Variants in REPS1 observed in about 807,000 individuals in gnomAD.
The protein encoded by REPS1 is RALBP1 associated Eps domain containing 1, also known as ralBP1-associated Eps domain-containing protein 1.
A neutral mutation model predicts 100.9 loss-of-function variants in REPS1; 39 were observed. The ratio of observed to expected loss-of-function variants is 0.39; its 90% CI spans 0.30 to 0.50. The LOEUF (loss-of-function observed/expected upper bound fraction) is 0.50, where lower values mean the gene tolerates loss of function less well. Among genes scored for constraint, REPS1 ranks in the 20% least tolerant of loss-of-function variants. The probability of loss-of-function intolerance (pLI) is 0.86; values close to 1 mark genes in which losing one functional copy is unlikely to be tolerated. For missense variants in REPS1, 821 were observed against 968.5 expected (o/e 0.85, Z 2.02); for synonymous variants, 324 against 340.3 (o/e 0.95, Z 0.53).
In REPS1 at chr6:138,912,941, G is replaced by A; in HGVS notation, c.1795C>T (p.Pro599Ser). ...GCATCCACTGGGCGATGCACAGCAGGACCAGGAGCCTGTGCAATGGTTCAG... is the reference window on the plus strand; with the variant it reads ...GCATCCACTGGGCGATGCACAGCAGAACCAGGAGCCTGTGCAATGGTTCAG... The part of the protein sequence containing the change: ...PRPQPSQAPG[P>S]AVHRPVDADG... The change falls in exon 16 of 20, where the codon CCT becomes TCT. Residue 599 changes from proline (P) to serine (S), a missense_variant. Physicochemically the swap from Pro to Ser is moderately conservative, Grantham distance 74 (BLOSUM62 -1). Coordinates refer to ENST00000450536, the MANE Select transcript of REPS1 (RefSeq NM_001286611.2). 4 of 1,613,062 alleles carry A rather than the reference G, an allele frequency of 2.5e-6. No individual in the cohort carries two copies. The highest frequency in any genetic ancestry group is 3.4e-6 in the Non-Finnish European group (4 of 1,179,334).
At chr6:138,927,312 A>C (rs1781201552) in intron 9 of REPS1, 2 of 152,348 alleles carry the variant, frequency 1.3e-5, no homozygotes, top group Admixed American at 1.3e-4. Context: ...ATACCTCTTA[A>C]AACAGGTGGA....
chr6:138,905,255 C>CA lies in REPS1; in HGVS notation c.2323-124dup, dbSNP rs1471105497. The CA allele has an allele frequency of 4.8e-6, 3 of 624,946 alleles. No homozygotes were observed. The African/African-American group carries it at 5.6e-5, about 12-fold the overall frequency. 38.7% of individuals were successfully genotyped at this position (624,946 alleles called of 1,614,324 possible). ...CAAGACAACTAAGGGAGAGCTTATTCATATTTTAAAAGTATACTTCACTTT... is the reference window on the plus strand; with the variant it reads ...CAAGACAACTAAGGGAGAGCTTATTCAATATTTTAAAAGTATACTTCACTTT... On this transcript the variant is annotated intron_variant, in intron 19 of 19. Transcript: ENST00000450536.
intron 1 of REPS1, among the ~76,000 whole-genome samples, chr6:138,963,682 C>G (rs1045746696): frequency 6.6e-6 from 1 of 152,118 alleles, no homozygotes; most frequent in Non-Finnish European, 1.5e-5. Flanking sequence ...TAGAAAAGTT[C>G]AAGGAAAAAC....
chr6:138,928,119 G>A (rs1481227857), intron 9 of REPS1: 1 of 152,182 alleles, frequency 6.6e-6, no homozygotes, highest in African/African-American at 2.4e-5. Context: ...TCCCAGTTAC[G>A]CTGTGCAAAC....
At chr6:138,982,341 A>T (rs1785000126) in intron 1 of REPS1, among the ~76,000 whole-genome samples, 1 of 152,254 alleles carries the variant, frequency 6.6e-6, no homozygotes, top group Admixed American at 6.5e-5. Context: ...TGCTCTACAC[A>T]AATGATCTAA....
intron 8 of REPS1, among the ~76,000 whole-genome samples, chr6:138,935,869 C>A (rs12199896): frequency 2.3e-4 from 2 of 8,722 alleles, no homozygotes; most frequent in Non-Finnish European, 2.4e-4. Flanking sequence ...GGGGGGGGGG[C>A]GCGGGGGAGT....
intron 12 of REPS1, among the ~76,000 whole-genome samples, chr6:138,919,420 C>T (rs1780609819): frequency 6.6e-6 from 1 of 152,224 alleles, no homozygotes; most frequent in South Asian, 2.1e-4. Flanking sequence ...AGTTAAAAAG[C>T]AGGCTCAAAT....
intron 1 of REPS1, among the ~76,000 whole-genome samples, chr6:138,987,146 C>T (rs552688561): frequency 1.2e-4 from 18 of 152,144 alleles, no homozygotes; most frequent in Non-Finnish European, 2.4e-4. Flanking sequence ...ACCATTTTGC[C>T]CATACTGATA....
intron 12 of REPS1, among the ~76,000 whole-genome samples, chr6:138,919,603 G>A (rs1035365233): frequency 6.6e-6 from 1 of 152,150 alleles, no homozygotes; most frequent in Non-Finnish European, 1.5e-5. Context: ...CTGCCTTAGG[G>A]CTCTACATTT....
chr6:138,977,593 ATTTG>A (rs1336456312), intron 1 of REPS1, among the ~76,000 whole-genome samples: 1 of 147,976 alleles, frequency 6.8e-6, no homozygotes, highest in African/African-American at 2.5e-5. Context: ...TATATCACTA[ATTTG>A]TTTCTTTTTT....
chr6:138,973,728 T>A (rs1784457952), intron 1 of REPS1, among the ~76,000 whole-genome samples: 1 of 151,880 alleles, frequency 6.6e-6, no homozygotes, highest in Non-Finnish European at 1.5e-5. Context: ...ATAGAGATAA[T>A]AAACTGTATC....
In REPS1 at chr6:138,914,732, G is replaced by C; in HGVS notation, c.1750C>G (p.Pro584Ala). The change falls in exon 15 of 20, where the codon CCT becomes GCT. Residue 584 changes from proline to alanine, a missense_variant. Physicochemically the swap from Pro to Ala is conservative, Grantham distance 27. Coordinates refer to ENST00000450536, the MANE Select transcript of REPS1 (RefSeq NM_001286611.2). ...TGTGGTCTTGGAGGCACTGCAGGAG[G>C]ATGGGCAACAACTCCAGCCTGTTGT... The part of the protein sequence containing the change: ...GQQQAGVVAH[P>A]PAVPPRPQPS... 1 of 1,612,310 alleles carries C rather than the reference G, an allele frequency of 6.2e-7. No homozygotes were observed. The highest frequency in any genetic ancestry group is 8.5e-7 in the Non-Finnish European group (1 of 1,179,520).
rs748600529 is a variant in REPS1, at chr6:138,955,445, A to AG, written c.154-7533_154-7532insC. ...AGAATTAAACCCTGTCTCTTTAAAA[A>AG]AAAAAAAAAAAAGTGTGTGTGTGTG... On this transcript the variant is annotated intron_variant, in intron 1 of 19. Coordinates refer to ENST00000450536, the MANE Select transcript of REPS1 (RefSeq NM_001286611.2). 3.4e-3 allele frequency among the ~76,000 whole-genome samples: 335 copies of AG among 98,562 alleles called. 1 individual carries two copies. Among genetic ancestry groups the AG allele is most frequent in the Non-Finnish European group, 4.2e-3 (215 of 50,896 alleles). The allele number at this position is 98,562 out of a possible 152,430, so 64.7% of individuals were successfully genotyped here.
chr6:138,934,164 C>G (rs999789166), intron 8 of REPS1: 2 of 286,586 alleles, frequency 7.0e-6, no homozygotes, highest in African/African-American at 4.4e-5. Flanking sequence ...CCTGCCCACC[C>G]ACAAATGTTA....
At position 138,987,673 on chromosome 6, in the gene REPS1, A is replaced by G; in HGVS notation, c.10T>C (p.Leu4=). MEG[L]TLSDAEQKYY... The stretch of plus-strand genomic sequence containing the variant: ...TTCTGCTCCGCATCGCTCAGCGTTA[A>G]GCCTTCCATCTTCGCCTCCGGCTCA... The change falls in exon 1 of 20, where the codon TTA becomes CTA. Residue 4 remains leucine, a synonymous_variant. Transcript: ENST00000450536. The G allele has an allele frequency of 6.5e-7, 1 of 1,543,588 alleles. No individual in the cohort carries two copies. Among genetic ancestry groups the G allele is most frequent in the Non-Finnish European group, 8.7e-7 (1 of 1,144,030 alleles).
At chr6:138,953,002 A>G (rs1405588564) in intron 1 of REPS1, among the ~76,000 whole-genome samples, 2 of 151,628 alleles carry the variant, frequency 1.3e-5, no homozygotes, top group African/African-American at 4.8e-5. Context: ...CACACACAGC[A>G]AATTTTGTAT....
chr6:138,943,776 T>TAA, intron 6 of REPS1, 77 bp downstream of exon 6: 1 of 1,298,240 alleles, frequency 7.7e-7, no homozygotes, highest in Non-Finnish European at 1.1e-6. Context: ...CTATGACCAA[T>TAA]AAAACAATGT....
At position 138,988,241 on chromosome 6, in the gene REPS1, C is replaced by T. The variant is rs974288804; in HGVS notation, c.-559G>A. The T allele has an allele frequency of 7.8e-5, 31 of 398,158 alleles. No individual in the cohort carries two copies. The highest frequency in any genetic ancestry group is 1.2e-4 in the Non-Finnish European group (28 of 225,876). The allele number at this position is 398,158 out of a possible 1,614,324, so 24.7% of individuals were successfully genotyped here. On this transcript the variant is annotated 5_prime_UTR_variant, in exon 1 of 20. Transcript: ENST00000450536. ...CCCCGGCCCGGCCCCGACGCGCCCG[C>T]ACCAACAGTGACAGCGGCGGCCGCG...
intron 15 of REPS1, among the ~76,000 whole-genome samples, chr6:138,914,414 T>A (rs545972813): frequency 6.6e-6 from 1 of 152,302 alleles, no homozygotes; most frequent in East Asian, 1.9e-4. Flanking sequence ...CCCAGGACAT[T>A]AATGGATATT....
Sources: allele counts gnomAD v4.1 joint callset (sites outside exome capture counted in the v4.1 genomes callset), GRCh38; gene constraint gnomAD v4.1.1; transcripts MANE v1.5; gene names NCBI Gene and HGNC (gene_info 2026-07-23, HGNC 2026-07-21).